Variants in MMACHC observed in about 807,000 individuals in gnomAD.
The protein encoded by MMACHC is cyanocobalamin reductase / alkylcobalamin dealkylase.
A neutral mutation model predicts 17.6 loss-of-function variants in MMACHC; 14 were observed. That is an observed-to-expected ratio of 0.80 (90% confidence interval 0.53 to 1.25). The LOEUF (loss-of-function observed/expected upper bound fraction) is 1.25. Among genes scored for constraint, MMACHC ranks in the 50% most tolerant of loss-of-function variants. The pLI is 0.00. For missense variants in MMACHC, 392 were observed against 364.5 expected, an observed-to-expected ratio of 1.08 and a Z score of -0.62; for synonymous variants, 151 against 142.1, an observed-to-expected ratio of 1.06 and a Z score of -0.45.
intron 1 of MMACHC, among the ~76,000 whole-genome samples, chr1:45,502,833 T>C (rs2149321907): frequency 6.6e-6 from 1 of 151,450 alleles, no homozygotes; most frequent in East Asian, 2.0e-4. Flanking sequence ...GCCTCCAGAG[T>C]AGGTAGGATT....
intron 1 of MMACHC, among the ~76,000 whole-genome samples, chr1:45,505,646 G>A (rs1481253039): frequency 6.6e-6 from 1 of 151,746 alleles, no homozygotes; most frequent in East Asian, 2.0e-4. Context: ...GCTCACGCCT[G>A]TAATCTCAGC....
At chr1:45,506,213 G>A (rs1643618359) in intron 1 of MMACHC, among the ~76,000 whole-genome samples, 1 of 152,174 alleles carries the variant, frequency 6.6e-6, no homozygotes, top group Admixed American at 6.5e-5. Context: ...GGGTTCAGGT[G>A]GCTTTCTCCC....
At chr1:45,504,179 C>T (rs556193828) in intron 1 of MMACHC, among the ~76,000 whole-genome samples, 67 of 152,274 alleles carry the variant, frequency 4.4e-4, no homozygotes, top group South Asian at 2.5e-3. Flanking sequence ...TTTAGGGAGG[C>T]GGAGGCGGGT....
intron 1 of MMACHC, among the ~76,000 whole-genome samples, chr1:45,500,969 G>T (rs1269440672): frequency 1.3e-5 from 2 of 152,118 alleles, no homozygotes; most frequent in Non-Finnish European, 2.9e-5. Flanking sequence ...AGCGTGTGTG[G>T]CTCAGATTGT....
intron 1 of MMACHC, among the ~76,000 whole-genome samples, chr1:45,501,243 G>A (rs913739412): frequency 4.6e-5 from 7 of 152,210 alleles, no homozygotes; most frequent in Non-Finnish European, 7.3e-5. Context: ...TGGCACAGCA[G>A]TCTCAGCACC....
Position 45,507,469 on chromosome 1 carries a change from C to T in MMACHC, c.195C>T (p.Pro65=). Residue 65 remains proline (P), a synonymous_variant, in exon 2 of 4, where the codon CCC becomes CCT. Transcript: ENST00000401061. ...TPAMFDRALK[P]FLQSCHLRML... The stretch of plus-strand genomic sequence containing the variant: ...CCATGTTTGACCGGGCCCTCAAGCC[C>T]TTCTTGCAGAGCTGCCACCTCCGAA... 6.2e-7 allele frequency: 1 copy of T among 1,614,178 alleles called. No homozygotes were observed. Among genetic ancestry groups the T allele is most frequent in the Non-Finnish European group, 8.5e-7 (1 of 1,180,022 alleles).
chr1:45,505,118 T>TAAAAA (rs71052893), intron 1 of MMACHC, among the ~76,000 whole-genome samples: 5 of 119,376 alleles, frequency 4.2e-5, no homozygotes, highest in Admixed American at 9.5e-5. Flanking sequence ...TGTATACATT[T>TAAAAA]AAAAAAAAAA....
intron 1 of MMACHC, among the ~76,000 whole-genome samples, chr1:45,501,689 C>T (rs1352613794): frequency 6.6e-6 from 1 of 152,154 alleles, no homozygotes; most frequent in Non-Finnish European, 1.5e-5. Context: ...ACCTTTAACT[C>T]TTTGAGACAC....
intron 1 of MMACHC, among the ~76,000 whole-genome samples, chr1:45,507,018 C>G (rs1248307728): frequency 6.6e-6 from 1 of 151,832 alleles, no homozygotes; most frequent in Non-Finnish European, 1.5e-5. Context: ...AATACAAAAA[C>G]TAGCCAGGCG....
intron 1 of MMACHC, among the ~76,000 whole-genome samples, chr1:45,501,789 C>A (rs961185834): frequency 6.6e-6 from 1 of 152,086 alleles, no homozygotes; most frequent in African/African-American, 2.4e-5. Flanking sequence ...TTGTACTGAA[C>A]AAAGCCAACT....
Position 45,511,273 on chromosome 1 carries a change from A to C in MMACHC, c.*2058A>C. The C allele has an allele frequency of 7.2e-7, 1 of 1,380,766 alleles. No individual in the cohort carries two copies. The allele number at this position is 1,380,766 out of a possible 1,614,324, so 85.5% of individuals were successfully genotyped here. On this transcript the variant is annotated 3_prime_UTR_variant, in exon 4 of 4. Transcript: ENST00000401061. ...TACTAATGGAAAAAAAAAATACAGA[A>C]GAGGTTTTGTTCTCATGGCTGCCCA...
In MMACHC at chr1:45,512,389, T is replaced by TG. The variant is rs1643770650; in HGVS notation, c.*3178dup. ...AGTAGCTGGGACTATACAAAAATAG[T>TG]GGGGCGTGGTGGTGGACCCCTGTAG... On this transcript the variant is annotated 3_prime_UTR_variant, in exon 4 of 4. Coordinates refer to ENST00000401061, the MANE Select transcript of MMACHC (RefSeq NM_015506.3). 3 of 149,990 alleles carry TG rather than the reference T, an allele frequency of 2.0e-5. 1 individual carries two copies. Among genetic ancestry groups the TG allele is most frequent in the Admixed American group, 1.3e-4 (2 of 15,048 alleles). 9.3% of individuals were successfully genotyped at this position (149,990 alleles called of 1,614,324 possible).
At chr1:45,507,296 G>A (rs773759470) in intron 1 of MMACHC, 60 bp from the exon 2 acceptor site, 11 of 1,544,282 alleles carry the variant, frequency 7.1e-6, no homozygotes, top group African/African-American at 2.7e-5. Context: ...AGGTTAAGGT[G>A]TGGGCCAGGC....
chr1:45,504,478 G>A (rs551749912), intron 1 of MMACHC, among the ~76,000 whole-genome samples: 1 of 152,326 alleles, frequency 6.6e-6, no homozygotes, highest in South Asian at 2.1e-4. Flanking sequence ...GGTGTTGACC[G>A]TGGTAACAAG....
chr1:45,505,597 A>G (rs996085175), intron 1 of MMACHC, among the ~76,000 whole-genome samples: 24 of 151,668 alleles, frequency 1.6e-4, no homozygotes, highest in Admixed American at 3.3e-4. Flanking sequence ...CCGAGCCTAA[A>G]AACAGTATTT....
rs1643737560 is a variant in MMACHC at position 45,511,257 on chromosome 1, A to G, written c.*2042A>G. On this transcript the variant is annotated 3_prime_UTR_variant, in exon 4 of 4. Transcript: ENST00000401061. ...CTGAAGTCTTGTGTTTTACTAATGGAAAAAAAAAATACAGAAGAGGTTTTG... is the reference window on the plus strand; with the variant it reads ...CTGAAGTCTTGTGTTTTACTAATGGGAAAAAAAAATACAGAAGAGGTTTTG... The G allele has an allele frequency of 6.0e-6, 6 of 999,800 alleles. No homozygotes were observed. Among genetic ancestry groups the G allele is most frequent in the Admixed American group, 5.5e-5 (2 of 36,212 alleles). 61.9% of individuals were successfully genotyped at this position (999,800 alleles called of 1,614,324 possible).
At position 45,509,025 on chromosome 1, in the gene MMACHC, A is replaced by C. The variant is rs778566338; in HGVS notation, c.659A>C (p.Lys220Thr). The C allele has an allele frequency of 3.7e-6, 6 of 1,614,138 alleles. No homozygotes were observed. Among genetic ancestry groups the C allele is most frequent in the Admixed American group, 1.7e-5 (1 of 60,014 alleles). ...TPQERYSEEQ[K>T]AYFSTPPAQR... The stretch of plus-strand genomic sequence containing the variant: ...CAGGAGCGCTACTCAGAAGAGCAGA[A>C]GGCCTACTTCTCCACTCCACCTGCC... The change falls in exon 4 of 4, where the codon AAG becomes ACG. Residue 220 changes from lysine to threonine, a missense_variant. By Grantham distance (78) the Lys-to-Thr change is moderately conservative. Transcript: ENST00000401061.
At position 45,507,340 on chromosome 1, in the gene MMACHC, G is replaced by C. The variant is rs777647230; in HGVS notation, c.82-16G>C. On this transcript the variant is annotated splice_polypyrimidine_tract_variant and intron_variant, in intron 1 of 3. Transcript: ENST00000401061. ...AGACTGGCCCTCTCCAGCCTGGCCT[G>C]AACTTTCTGTTTCAGGTGGCATGGT... The C allele has an allele frequency of 9.9e-6, 16 of 1,613,760 alleles. No individual in the cohort carries two copies. The highest frequency in any genetic ancestry group is 1.4e-5 in the Non-Finnish European group (16 of 1,179,944).
At position 45,513,224 on chromosome 1, in the gene MMACHC, T is replaced by A. The variant is rs1203866863; in HGVS notation, c.*4009T>A. 4 of 152,236 alleles carry A rather than the reference T, an allele frequency of 2.6e-5. No homozygotes were observed. The highest frequency in any genetic ancestry group is 9.6e-5 in the African/African-American group (4 of 41,468). The allele number at this position is 152,236 out of a possible 1,614,324, so 9.4% of individuals were successfully genotyped here. A position where few individuals can be genotyped will look rare whatever the true frequency, so the allele number is the denominator to read the frequency against. On this transcript the variant is annotated 3_prime_UTR_variant, in exon 4 of 4. Coordinates refer to ENST00000401061, the MANE Select transcript of MMACHC (RefSeq NM_015506.3). ...AAGTTATTTAAAAAATGGCATGCTT[T>A]ATCTCTAGAGGTGATTCCCAACCAT...
Sources: allele counts gnomAD v4.1 joint callset (sites outside exome capture counted in the v4.1 genomes callset), GRCh38; gene constraint gnomAD v4.1.1; transcripts MANE v1.5; gene names NCBI Gene and HGNC (gene_info 2026-07-23, HGNC 2026-07-21).